PRMT8: variants seen among roughly 807,000 people sequenced by gnomAD.
The protein encoded by PRMT8 is protein arginine methyltransferase 8.
In PRMT8, 7 loss-of-function variants were observed where a neutral mutation model predicts 47.1. The observed-to-expected ratio is 0.15, with a 90% CI of 0.08 to 0.28. The LOEUF (loss-of-function observed/expected upper bound fraction) is 0.28, where lower values mean the gene tolerates loss of function less well. Among genes scored for constraint, PRMT8 ranks in the 10% least tolerant of loss-of-function variants. PRMT8 has a pLI of 1.00. For missense variants in PRMT8, 237 were observed against 505.4 expected, an observed-to-expected ratio of 0.47 and a Z score of 5.09; for synonymous variants, 188 against 186.5, an observed-to-expected ratio of 1.01 and a Z score of -0.07.
chr12:3,491,850 G>C, intron 1 of PRMT8, 150 bp downstream of exon 1: 1 of 252,568 alleles, frequency 4.0e-6, no homozygotes, highest in Non-Finnish European at 6.6e-6. Context: ...GTGTGTGTGT[G>C]TGTGTGTGTG....
intron 1 of PRMT8, among the ~76,000 whole-genome samples, chr12:3,400,111 A>C (rs1264986702): frequency 6.6e-6 from 1 of 152,230 alleles, no homozygotes; most frequent in Non-Finnish European, 1.5e-5. Flanking sequence ...CTAGAGAACC[A>C]AGAGCAAACA....
intron 1 of PRMT8, among the ~76,000 whole-genome samples, chr12:3,467,104 G>A (rs527312445): frequency 6.6e-6 from 1 of 151,942 alleles, no homozygotes; most frequent in Non-Finnish European, 1.5e-5. Context: ...ACCGGGCGTG[G>A]TGGCGGGTGC....
Position 3,576,859 on chromosome 12 carries a change from C to G in PRMT8, c.713-12C>G, listed in dbSNP as rs955469182. The G allele has an allele frequency of 2.5e-6, 4 of 1,607,618 alleles. No homozygotes were observed. The highest frequency in any genetic ancestry group is 3.3e-5 in the Admixed American group (2 of 59,992). Reference sequence around the variant, plus strand: ...CCTGCGCCTGCCTTCACGTCTTGCTCTGCTCCCACAGGGTGGGAGAATGTC... The same window carrying G: ...CCTGCGCCTGCCTTCACGTCTTGCTGTGCTCCCACAGGGTGGGAGAATGTC... On this transcript the variant is annotated splice_polypyrimidine_tract_variant and intron_variant, in intron 6 of 9. Transcript: ENST00000382622. The surrounding 1 kb of genome is among the most constrained non-coding windows in gnomAD (Gnocchi z 4.0).
chr12:3,446,581 A>G (rs772471067), intron 1 of PRMT8, among the ~76,000 whole-genome samples: 1 of 152,140 alleles, frequency 6.6e-6, no homozygotes, highest in East Asian at 1.9e-4. Context: ...AGGACTTTCC[A>G]TCAGACTTCT....
chr12:3,403,462 G>A (rs1167380276), intron 1 of PRMT8, among the ~76,000 whole-genome samples: 8 of 147,308 alleles, frequency 5.4e-5, no homozygotes, highest in Non-Finnish European at 1.0e-4. Flanking sequence ...ATGTACCCCT[G>A]AACTTAAAAT....
intron 1 of PRMT8, among the ~76,000 whole-genome samples, chr12:3,414,735 G>A (rs547126523): frequency 1.3e-5 from 2 of 152,220 alleles, no homozygotes; most frequent in East Asian, 3.9e-4. Context: ...GAGTTGGAAA[G>A]GGGATGGTGT....
At chr12:3,529,406 GA>G (rs1729036903) in intron 1 of PRMT8, among the ~76,000 whole-genome samples, 2 of 151,946 alleles carry the variant, frequency 1.3e-5, no homozygotes. Flanking sequence ...GGTTGCTTGG[GA>G]GTGCTTTAAA....
At position 3,562,713 on chromosome 12, in the gene PRMT8, T is replaced by C. The variant is rs527326467; in HGVS notation, c.482-5993T>C. ...GGTGGAAGTATTTACACCACGGACA[T>C]TGGCGGATGCTACAAACCGGAGCTG... On this transcript the variant is annotated intron_variant, in intron 4 of 9. Transcript: ENST00000382622. Among the ~76,000 whole-genome samples the C allele has an allele frequency of 7.9e-4, 120 of 152,272 alleles. 2 individuals carry two copies. Among genetic ancestry groups the C allele is most frequent in the African/African-American group, 2.5e-3 (104 of 41,556 alleles).
chr12:3,391,938 C>T (rs1315233455), intron 1 of PRMT8, among the ~76,000 whole-genome samples: 1 of 152,118 alleles, frequency 6.6e-6, no homozygotes, highest in African/African-American at 2.4e-5. Flanking sequence ...GCCTTTTAAT[C>T]TAGGACTAGA....
At chr12:3,587,193 A>G (rs1278214631) in intron 8 of PRMT8, among the ~76,000 whole-genome samples, 1 of 148,096 alleles carries the variant, frequency 6.8e-6, no homozygotes, top group African/African-American at 2.4e-5. Flanking sequence ...ATATAATTAT[A>G]TTATATATTA....
rs144938956 is a variant in PRMT8 at position 3,474,169 on chromosome 12, G to T, written c.49-66437G>T. Among the ~76,000 whole-genome samples the T allele has an allele frequency of 2.6e-5, 4 of 152,294 alleles. No homozygotes were observed. In the East Asian group the frequency reaches 7.7e-4, roughly 29 times the overall value. The stretch of plus-strand genomic sequence containing the variant: ...TTCAGGATAAAGTCCACACTCCTTA[G>T]TGGGGCATCCAAGTCCCTTCACATC... On this transcript the variant is annotated intron_variant, in intron 1 of 9. Transcript: ENST00000452611.
Position 3,453,073 on chromosome 12 carries a change from G to A in PRMT8, c.48+71631G>A, listed in dbSNP as rs1310903379. ...GGACTGGGATCACATGAAAGGAGAT[G>A]AAATGAGGGATGCACAGAGGACACT... On this transcript the variant is annotated intron_variant, in intron 1 of 9. Transcript: ENST00000452611. The surrounding 1 kb of genome is among the most constrained non-coding windows in gnomAD (Gnocchi z 4.9). Among the ~76,000 whole-genome samples the A allele has an allele frequency of 6.6e-6, 1 of 152,200 alleles. No individual in the cohort carries two copies. The highest frequency in any genetic ancestry group is 1.5e-5 in the Non-Finnish European group (1 of 68,036).
At chr12:3,544,556 C>T (rs929826973) in intron 2 of PRMT8, among the ~76,000 whole-genome samples, 2 of 152,124 alleles carry the variant, frequency 1.3e-5, no homozygotes, top group Non-Finnish European at 2.9e-5. Context: ...AGTGGGGGAC[C>T]GCCTAATGCC....
upstream of PRMT8, among the ~76,000 whole-genome samples, chr12:3,490,987 C>T (rs1338275660): frequency 6.6e-6 from 1 of 152,082 alleles, no homozygotes; most frequent in Non-Finnish European, 1.5e-5. Flanking sequence ...CGCCGGCTTT[C>T]TCTGGGCCCC....
intron 1 of PRMT8, among the ~76,000 whole-genome samples, chr12:3,429,282 C>G (rs1276057700): frequency 6.6e-6 from 1 of 152,090 alleles, no homozygotes; most frequent in Non-Finnish European, 1.5e-5. Flanking sequence ...GATGGCCAAC[C>G]CACCTCTAAT....
chr12:3,535,015 C>T lies in PRMT8; in HGVS notation c.76-5591C>T, dbSNP rs1466444371. On this transcript the variant is annotated intron_variant, in intron 1 of 9. Transcript: ENST00000382622. This position sits in a 1 kb window ranked among gnomAD's most constrained non-coding sequence, Gnocchi z 4.7. Reference sequence around the variant, plus strand: ...AGTGCTTGGCGCAGCGCCTGGGGCGCAGTGGGCCCTTAGTCAATGTTAGGT... The same window carrying T: ...AGTGCTTGGCGCAGCGCCTGGGGCGTAGTGGGCCCTTAGTCAATGTTAGGT... Among the ~76,000 whole-genome samples the T allele has an allele frequency of 6.6e-6, 1 of 152,258 alleles. No individual in the cohort carries two copies. The highest frequency in any genetic ancestry group is 1.5e-5 in the Non-Finnish European group (1 of 68,040).
At chr12:3,462,583 G>T (rs1280070241) in intron 1 of PRMT8, 1 of 151,950 alleles carries the variant, frequency 6.6e-6, no homozygotes, top group East Asian at 1.9e-4. Context: ...TCATTTTACT[G>T]TCTCTCCAGG....
intron 1 of PRMT8, among the ~76,000 whole-genome samples, chr12:3,497,391 A>G (rs1865527111): frequency 6.6e-6 from 1 of 152,064 alleles, no homozygotes; most frequent in South Asian, 2.1e-4. Context: ...ATTTCCCCAA[A>G]CTCCTCGAGT....
chr12:3,419,110 C>T (rs149120153), intron 1 of PRMT8, among the ~76,000 whole-genome samples: 12 of 152,312 alleles, frequency 7.9e-5, no homozygotes, highest in African/African-American at 2.9e-4. Context: ...CTCAAATATT[C>T]GTCCATAAAA....
Sources: allele counts gnomAD v4.1 joint callset (sites outside exome capture counted in the v4.1 genomes callset), GRCh38; gene constraint gnomAD v4.1.1; non-coding constraint Gnocchi (gnomAD v3.1); transcripts MANE v1.5; gene names NCBI Gene and HGNC (gene_info 2026-07-23, HGNC 2026-07-21).